The following SORCS3 variants were observed in gnomAD, a reference collection of about 807,000 sequenced individuals.
The protein encoded by SORCS3 is VPS10 domain-containing receptor SorCS3.
SORCS3 carries 57 observed loss-of-function variants against 146.3 expected under a neutral mutation model. That is an observed-to-expected ratio of 0.39 (90% CI 0.31 to 0.49). The LOEUF (loss-of-function observed/expected upper bound fraction) is 0.49. Among genes scored for constraint, SORCS3 ranks in the 20% least tolerant of loss-of-function variants. The pLI, the probability that SORCS3 is intolerant of heterozygous loss-of-function variation, is 0.92. For synonymous variants in SORCS3, 653 were observed against 618.5 expected (o/e 1.06, Z -0.83); for missense variants, 1,341 against 1,575.5 (o/e 0.85, Z 2.52).
rs892287420 is a variant in SORCS3 at position 105,264,497 on chromosome 10, G to A, written c.*1123G>A. 1 of 152,358 alleles carries A rather than the reference G, an allele frequency of 6.6e-6. No individual in the cohort carries two copies. Among genetic ancestry groups the A allele is most frequent in the Admixed American group, 6.5e-5 (1 of 15,274 alleles). The allele number at this position is 152,358 out of a possible 1,614,324, so 9.4% of individuals were successfully genotyped here. A position where few individuals can be genotyped will look rare whatever the true frequency, so the allele number is the denominator to read the frequency against. On this transcript the variant is annotated 3_prime_UTR_variant, in exon 27 of 27. Transcript: ENST00000369701. ...GGGCACTAGGTAAAGCCCAGTGAAT[G>A]TCTCTTGGCATGGGAGGAGTTAAAG...
chr10:105,079,125 C>T (rs2055607212), intron 5 of SORCS3, among the ~76,000 whole-genome samples: 1 of 152,148 alleles, frequency 6.6e-6, no homozygotes, highest in African/African-American at 2.4e-5. Context: ...TGGGCCCCAC[C>T]CAGACCTCCA....
chr10:105,256,181 G>T (rs1422655982), intron 24 of SORCS3, among the ~76,000 whole-genome samples: 1 of 152,104 alleles, frequency 6.6e-6, no homozygotes, highest in Non-Finnish European at 1.5e-5. Flanking sequence ...ATGAATCTTG[G>T]ATGGTAGGCC....
intron 4 of SORCS3, among the ~76,000 whole-genome samples, chr10:105,017,458 G>A (rs552607847): frequency 1.3e-5 from 2 of 152,280 alleles, no homozygotes; most frequent in South Asian, 4.1e-4. Flanking sequence ...CAGTCTGCAA[G>A]GGTTTGCTAG....
At chr10:105,108,960 A>G (rs2055841120) in intron 7 of SORCS3, among the ~76,000 whole-genome samples, 2 of 152,096 alleles carry the variant, frequency 1.3e-5, no homozygotes, top group African/African-American at 4.8e-5. Flanking sequence ...TTTTGACAGT[A>G]TATTCTTTGT....
chr10:104,762,417 G>A (rs2017131509), intron 1 of SORCS3, among the ~76,000 whole-genome samples: 2 of 152,270 alleles, frequency 1.3e-5, no homozygotes, highest in African/African-American at 2.4e-5. Flanking sequence ...TTTCTCCAAC[G>A]ATGCCAGCTG....
At chr10:105,190,533 G>A (rs919153312) in intron 14 of SORCS3, among the ~76,000 whole-genome samples, 7 of 152,128 alleles carry the variant, frequency 4.6e-5, no homozygotes, top group South Asian at 4.1e-4. Context: ...TGAGTGGCTG[G>A]GATTACAGGT....
intron 1 of SORCS3, among the ~76,000 whole-genome samples, chr10:104,740,790 G>A (rs768166628): frequency 4.6e-5 from 7 of 152,180 alleles, no homozygotes; most frequent in Non-Finnish European, 8.8e-5. Context: ...TAATGTAGAA[G>A]GGGTGAGATT....
At chr10:104,868,584 T>C (rs2018485105) in intron 2 of SORCS3, among the ~76,000 whole-genome samples, 1 of 152,202 alleles carries the variant, frequency 6.6e-6, no homozygotes. Flanking sequence ...TTCCCCTGGC[T>C]CTGTTTTCCT....
At chr10:105,228,747 T>C (rs1458297794) in intron 20 of SORCS3, among the ~76,000 whole-genome samples, 1 of 152,168 alleles carries the variant, frequency 6.6e-6, no homozygotes, top group Non-Finnish European at 1.5e-5. Context: ...TATAAGTCAC[T>C]AGATGTTTTC....
intron 16 of SORCS3, among the ~76,000 whole-genome samples, chr10:105,207,897 G>A (rs568644434): frequency 6.6e-6 from 1 of 152,124 alleles, no homozygotes; most frequent in Admixed American, 6.5e-5. Flanking sequence ...AATTGCTTGA[G>A]AGAGAGCACC....
chr10:104,749,126 A>G (rs535627140), intron 1 of SORCS3, among the ~76,000 whole-genome samples: 74 of 152,210 alleles, frequency 4.9e-4, no homozygotes, highest in Admixed American at 2.4e-3. Flanking sequence ...TTTGTGTAGC[A>G]TGGAGAGTTG....
intron 1 of SORCS3, among the ~76,000 whole-genome samples, chr10:104,771,038 A>C (rs2017243481): frequency 6.6e-6 from 1 of 152,144 alleles, no homozygotes; most frequent in Non-Finnish European, 1.5e-5. Flanking sequence ...ATCTCAGTTC[A>C]GACTGGCCAC....
In SORCS3 at chr10:105,199,980, T is replaced by C. The variant is rs769295198; in HGVS notation, c.2010-19T>C. On this transcript the variant is annotated intron_variant, in intron 14 of 26. Transcript: ENST00000369701. ...GACTTTCTCCCCTTGTGTCTCCCAC[T>C]CCTCCCCTAAACACTTAGAGTTTTT... 1 of 1,592,862 alleles carries C rather than the reference T, an allele frequency of 6.3e-7. No individual in the cohort carries two copies.
At chr10:105,225,921 C>T (rs760325893) in intron 20 of SORCS3, among the ~76,000 whole-genome samples, 6 of 151,742 alleles carry the variant, frequency 4.0e-5, no homozygotes, top group African/African-American at 7.3e-5. Flanking sequence ...TTTTGTATTC[C>T]GCAACTTTAC....
At position 104,826,540 on chromosome 10, in the gene SORCS3, TA is replaced by T. The variant is rs576375778; in HGVS notation, c.628-16245del. ...ATTAAGTGTTAAGTAGCATCATGTC[TA>T]AAAAAATGCATACTTCAAGTAAAAA... On this transcript the variant is annotated intron_variant, in intron 1 of 26. Transcript: ENST00000369701. Among the ~76,000 whole-genome samples, 5 of 152,312 alleles carry T rather than the reference TA, an allele frequency of 3.3e-5. No individual in the cohort carries two copies. The East Asian group carries it at 5.8e-4, about 18-fold the overall frequency.
rs149147005 is a variant in SORCS3, at chr10:104,808,520, G to A, written c.628-34272G>A. On this transcript the variant is annotated intron_variant, in intron 1 of 26. Transcript: ENST00000369701. ...GGTTTTGAAGGATAGGCATTCACCT[G>A]TAATGGATGATGGGAAGGACATTCA... Among the ~76,000 whole-genome samples, 365 of 152,300 alleles carry A rather than the reference G, an allele frequency of 2.4e-3. 3 individuals carry two copies. Among genetic ancestry groups the A allele is most frequent in the African/African-American group, 8.3e-3 (346 of 41,552 alleles).
At chr10:105,198,854 C>T (rs2056558399) in intron 14 of SORCS3, among the ~76,000 whole-genome samples, 1 of 152,096 alleles carries the variant, frequency 6.6e-6, no homozygotes, top group Non-Finnish European at 1.5e-5. Context: ...GAAGCACATT[C>T]AAAATTGATC....
chr10:105,257,327 T>C lies in SORCS3; in HGVS notation c.3443+403T>C, dbSNP rs187649503. Among the ~76,000 whole-genome samples, 336 of 152,302 alleles carry C rather than the reference T, an allele frequency of 2.2e-3. 1 individual carries two copies. The highest frequency in any genetic ancestry group is 7.5e-3 in the African/African-American group (311 of 41,562). On this transcript the variant is annotated intron_variant, in intron 25 of 26. Transcript: ENST00000369701. ...GCAACTAAAATTTGATACATACATG[T>C]ACAGACACCGATGCATTTTTTTACC...
intron 2 of SORCS3, among the ~76,000 whole-genome samples, chr10:104,872,201 G>A (rs566353953): frequency 9.0e-4 from 137 of 152,212 alleles, no homozygotes; most frequent in Middle Eastern, 6.8e-3. Flanking sequence ...ATCATAATTG[G>A]GAAAGTACTT....
Sources: allele counts gnomAD v4.1 joint callset (sites outside exome capture counted in the v4.1 genomes callset), GRCh38; gene constraint gnomAD v4.1.1; transcripts MANE v1.5; gene names NCBI Gene and HGNC (gene_info 2026-07-23, HGNC 2026-07-21).